GDAP2: variants seen among roughly 807,000 people sequenced by gnomAD.
GDAP2 encodes the protein ganglioside induced differentiation associated protein 2.
GDAP2 carries 51 observed loss-of-function variants against 67.0 expected under a neutral mutation model. The observed-to-expected ratio is 0.76, with a 90% CI of 0.61 to 0.96. The LOEUF is 0.96. Among genes scored for constraint, GDAP2 ranks in the 40% least tolerant of loss-of-function variants. The pLI is 0.00. For missense variants in GDAP2, 547 were observed against 588.3 expected (o/e 0.93, Z 0.73); for synonymous variants, 203 against 207.3 (o/e 0.98, Z 0.18).
chr1:117,922,871 C>A (rs1201913556), intron 1 of GDAP2, among the ~76,000 whole-genome samples: 1 of 152,218 alleles, frequency 6.6e-6, no homozygotes, highest in Non-Finnish European at 1.5e-5. Flanking sequence ...CTAATCCTAG[C>A]AAGCCTGGGG....
rs148914013 is a variant in GDAP2, at chr1:117,912,600, T to G, written c.400A>C (p.Lys134Gln). ...TCAGCTGCTGTGCGATAGCGGCTTT[T>G]ATATTTAGGTCCCACTGTGTGAATG... ...FIIHTVGPKY[K>Q]SRYRTAAESS... Residue 134 changes from lysine (K) to glutamine (Q), a missense_variant, in exon 4 of 14, where the codon AAA becomes CAA. By Grantham distance (53) the Lys-to-Gln change is moderately conservative. Transcript: ENST00000369443. The G allele has an allele frequency of 1.9e-5, 31 of 1,613,492 alleles. No individual in the cohort carries two copies. The highest frequency in any genetic ancestry group is 2.5e-5 in the Non-Finnish European group (29 of 1,179,446).
chr1:117,916,324 T>C (rs561470487), intron 3 of GDAP2, among the ~76,000 whole-genome samples: 66 of 152,196 alleles, frequency 4.3e-4, no homozygotes, highest in African/African-American at 1.5e-3. Flanking sequence ...GACAAGGTAG[T>C]GAGAAGAGAT....
chr1:117,920,895 A>C (rs1650227302), intron 1 of GDAP2, among the ~76,000 whole-genome samples: 1 of 152,222 alleles, frequency 6.6e-6, no homozygotes, highest in Non-Finnish European at 1.5e-5. Context: ...TAAAGGTTTC[A>C]ACTAGGAAAG....
intron 1 of GDAP2, among the ~76,000 whole-genome samples, chr1:117,929,017 T>C (rs1650575156): frequency 6.6e-6 from 1 of 152,002 alleles, no homozygotes; most frequent in African/African-American, 2.4e-5. Flanking sequence ...TGCGGGAACC[T>C]AGACAACGCA....
chr1:117,886,498 A>G (rs1648858640), intron 10 of GDAP2, 79 bp downstream of exon 10: 2 of 782,532 alleles, frequency 2.6e-6, no homozygotes, highest in Non-Finnish European at 4.6e-6. Flanking sequence ...TTCATATTGT[A>G]GGCCTTGATT....
intron 8 of GDAP2, among the ~76,000 whole-genome samples, chr1:117,893,738 C>T (rs1420737852): frequency 6.6e-6 from 1 of 152,142 alleles, no homozygotes; most frequent in African/African-American, 2.4e-5. Flanking sequence ...CCTCAATAAA[C>T]AGCCATCAAT....
intron 12 of GDAP2, 42 bp from the exon 13 acceptor site, chr1:117,878,194 T>A (rs1390048774): frequency 8.9e-7 from 1 of 1,121,620 alleles, no homozygotes; most frequent in Non-Finnish European, 1.3e-6. Flanking sequence ...CTAGTTGCCA[T>A]AGTTAGAAAC....
At position 117,899,063 on chromosome 1, in the gene GDAP2, G is replaced by C. The variant is rs1304633187; in HGVS notation, c.790C>G (p.Pro264Ala). The C allele has an allele frequency of 6.2e-7, 1 of 1,613,156 alleles. No homozygotes were observed. The highest frequency in any genetic ancestry group is 2.2e-5 in the East Asian group (1 of 44,852). The change falls in exon 7 of 14, where the codon CCA (proline) becomes GCA (alanine). Residue 264 changes from proline to alanine, a missense_variant. By Grantham distance (27) the Pro-to-Ala change is conservative. Coordinates refer to ENST00000369443, the MANE Select transcript of GDAP2 (RefSeq NM_017686.4). ...TTAGAGCTCTAGAACTCACCTTCTG[G>C]AGCACCAGGTTTCTCACTTATTCTA... Reference protein sequence around the residue: ...QIRISEKPGAPEDNQEEEDEG... With the variant: ...QIRISEKPGAAEDNQEEEDEG...
Position 117,870,626 on chromosome 1 carries a change from G to T in GDAP2, c.1447-10C>A, listed in dbSNP as rs1648226603. ...AGTAAGGCCCGTTTTCCTGTGGAAA[G>T]AAAAAAGGAGAAGAACATTTAAGTA... On this transcript the variant is annotated splice_polypyrimidine_tract_variant and intron_variant, in intron 13 of 13. Coordinates refer to ENST00000369443, the MANE Select transcript of GDAP2 (RefSeq NM_017686.4). 1.7e-5 allele frequency: 26 copies of T among 1,564,650 alleles called. No individual in the cohort carries two copies. Among genetic ancestry groups the T allele is most frequent in the Non-Finnish European group, 2.1e-5 (24 of 1,137,102 alleles).
At chr1:117,920,875 T>C (rs891287042) in intron 1 of GDAP2, among the ~76,000 whole-genome samples, 1 of 152,080 alleles carries the variant, frequency 6.6e-6, no homozygotes, top group Non-Finnish European at 1.5e-5. Context: ...AATCAAGTAG[T>C]AAGAGATGAT....
At chr1:117,872,587 G>A (rs1235533094) in intron 13 of GDAP2, among the ~76,000 whole-genome samples, 1 of 151,758 alleles carries the variant, frequency 6.6e-6, no homozygotes, top group Non-Finnish European at 1.5e-5. Flanking sequence ...AACTAATGCA[G>A]GAACAGAAAC....
intron 7 of GDAP2, among the ~76,000 whole-genome samples, chr1:117,898,439 G>T (rs187807441): frequency 3.9e-5 from 6 of 152,224 alleles, no homozygotes; most frequent in Non-Finnish European, 8.8e-5. Context: ...TAAAAGAAAT[G>T]TTCACTCTAG....
Position 117,866,144 on chromosome 1 carries a change from G to A in GDAP2, c.*4425C>T, listed in dbSNP as rs1648052831. On this transcript the variant is annotated 3_prime_UTR_variant, in exon 14 of 14. Transcript: ENST00000369443. Reference sequence around the variant, plus strand: ...ATATGTTGAAGCCCTAACATACAAAGTGATGGCATTTGGAGGTGGGGCCTC... The same window carrying A: ...ATATGTTGAAGCCCTAACATACAAAATGATGGCATTTGGAGGTGGGGCCTC... The A allele has an allele frequency of 6.6e-6, 1 of 152,166 alleles. No homozygotes were observed. Among genetic ancestry groups the A allele is most frequent in the African/African-American group, 2.4e-5 (1 of 41,438 alleles). 9.4% of individuals were successfully genotyped at this position (152,166 alleles called of 1,614,324 possible). A position where few individuals can be genotyped will look rare whatever the true frequency, so the allele number is the denominator to read the frequency against.
At chr1:117,922,510 T>C (rs529252917) in intron 1 of GDAP2, among the ~76,000 whole-genome samples, 5 of 152,326 alleles carry the variant, frequency 3.3e-5, no homozygotes, top group Admixed American at 6.5e-5. Flanking sequence ...GTAGGTTCTT[T>C]TCTATTTCCC....
chr1:117,870,611 GT>G lies in GDAP2; in HGVS notation c.1451del (p.Asn484ThrfsTer33). The G allele has an allele frequency of 6.3e-7, 1 of 1,595,388 alleles. No homozygotes were observed. The highest frequency in any genetic ancestry group is 8.6e-7 in the Non-Finnish European group (1 of 1,163,396). On this transcript the variant is annotated frameshift_variant, in exon 14 of 14. Transcript: ENST00000369443. LOFTEE classifies it high-confidence loss of function. The stretch of plus-strand genomic sequence containing the variant: ...GGGGATATGATGTATAGTAAGGCCC[GT>G]TTTCCTGTGGAAAGAAAAAAGGAGA... ...PFVLEYDARE[N>X]GPYYTSYPPS...
At chr1:117,900,793 G>T (rs1341054186) in intron 6 of GDAP2, among the ~76,000 whole-genome samples, 1 of 151,410 alleles carries the variant, frequency 6.6e-6, no homozygotes, top group African/African-American at 2.4e-5. Flanking sequence ...GGGCACGGTG[G>T]CTCACGCCTA....
chr1:117,867,002 A>G lies in GDAP2; in HGVS notation c.*3567T>C, dbSNP rs138940906. On this transcript the variant is annotated 3_prime_UTR_variant, in exon 14 of 14. Transcript: ENST00000369443. Reference sequence around the variant, plus strand: ...CTAGAACCATGTAACTCTCCTCTATATAGTACTTCAAATTCTAATCATTTC... The same window carrying G: ...CTAGAACCATGTAACTCTCCTCTATGTAGTACTTCAAATTCTAATCATTTC... The G allele has an allele frequency of 6.6e-6, 1 of 152,284 alleles. No homozygotes were observed. The highest frequency in any genetic ancestry group is 1.5e-5 in the Non-Finnish European group (1 of 68,022). 9.4% of individuals were successfully genotyped at this position (152,284 alleles called of 1,614,324 possible).
chr1:117,883,662 T>C (rs1239098479), intron 10 of GDAP2, 35 bp from the exon 11 acceptor site: 1 of 1,505,462 alleles, frequency 6.6e-7, no homozygotes, highest in Non-Finnish European at 9.2e-7. Flanking sequence ...GTGAAGATCA[T>C]TTTGAACAGT....
intron 13 of GDAP2, chr1:117,877,794 T>C: frequency 8.0e-6 from 10 of 1,252,840 alleles, no homozygotes; most frequent in Non-Finnish European, 1.0e-5. Context: ...GATCTCCCAC[T>C]GAAACGTTTA....
Sources: allele counts gnomAD v4.1 joint callset (sites outside exome capture counted in the v4.1 genomes callset), GRCh38; gene constraint gnomAD v4.1.1; transcripts MANE v1.5; gene names NCBI Gene and HGNC (gene_info 2026-07-23, HGNC 2026-07-21).